Variants in DNAH14 observed in about 807,000 individuals in gnomAD.
DNAH14 encodes the protein axonemal beta dynein heavy chain 14.
DNAH14 carries 478 observed loss-of-function variants against 520.9 expected under a neutral mutation model. The observed-to-expected ratio is 0.92, with a 90% CI of 0.85 to 0.99. DNAH14 has a LOEUF of 0.99. Among genes scored for constraint, DNAH14 ranks in the 50% least tolerant of loss-of-function variants. DNAH14 has a pLI of 0.00. For synonymous variants in DNAH14, 1,581 were observed against 1,757.2 expected (o/e 0.90, Z 2.51); for missense variants, 4,831 against 5,234.5 (o/e 0.92, Z 2.38).
At chr1:225,084,889 C>T (rs2073577185) in intron 20 of DNAH14, among the ~76,000 whole-genome samples, 1 of 131,860 alleles carries the variant, frequency 7.6e-6, no homozygotes, top group Non-Finnish European at 1.7e-5. Flanking sequence ...TAGGCACGAA[C>T]TTTGATGGTT....
Position 225,240,717 on chromosome 1 carries a change from G to A in DNAH14, c.6643G>A (p.Glu2215Lys). 1.3e-6 allele frequency: 2 copies of A among 1,550,988 alleles called. No individual in the cohort carries two copies. Among genetic ancestry groups the A allele is most frequent in the Non-Finnish European group, 1.7e-6 (2 of 1,146,570 alleles). Residue 2215 changes from glutamate (E) to lysine (K), a missense_variant, in exon 43 of 86, where the codon GAA becomes AAA. Physicochemically the swap from Glu to Lys is moderately conservative, Grantham distance 56. Transcript: ENST00000682510. ...TTTAAACCGTGAAGATGAACACAGA[G>A]AAAATATACCATTTTGTCCCAGTCT... ...GALNREDEHR[E>K]NIPFCPSLEP...
At chr1:225,102,877 G>C (rs1205407083) in intron 23 of DNAH14, among the ~76,000 whole-genome samples, 2 of 151,920 alleles carry the variant, frequency 1.3e-5, no homozygotes, top group African/African-American at 4.8e-5. Flanking sequence ...TTGCTGTGCA[G>C]AAGCTCTTTA....
chr1:225,246,536 AAAAC>A (rs2149676865), intron 43 of DNAH14, among the ~76,000 whole-genome samples: 1 of 152,340 alleles, frequency 6.6e-6, no homozygotes, highest in African/African-American at 2.4e-5. Flanking sequence ...TTACCAGAAA[AAAAC>A]AAACAACCCC....
At chr1:224,945,821 A>T (rs1418102364) in intron 1 of DNAH14, among the ~76,000 whole-genome samples, 1 of 152,282 alleles carries the variant, frequency 6.6e-6, no homozygotes, top group East Asian at 1.9e-4. Context: ...GGTGAACAGC[A>T]AATGTTGCTG....
intron 73 of DNAH14, among the ~76,000 whole-genome samples, chr1:225,356,087 A>G (rs2095425401): frequency 6.6e-6 from 1 of 152,202 alleles, no homozygotes; most frequent in South Asian, 2.1e-4. Context: ...TGTTTCATTT[A>G]GCCATTAATC....
chr1:225,385,272 A>C (rs997318343), intron 81 of DNAH14, among the ~76,000 whole-genome samples: 29 of 152,232 alleles, frequency 1.9e-4, no homozygotes, highest in African/African-American at 6.8e-4. Flanking sequence ...AGCCAATATC[A>C]TACTGAATGG....
At chr1:225,168,206 G>T (rs530045975) in intron 36 of DNAH14, among the ~76,000 whole-genome samples, 178 bp downstream of exon 36, 2 of 152,274 alleles carry the variant, frequency 1.3e-5, no homozygotes, top group Non-Finnish European at 2.9e-5. Context: ...GGCCAAATAG[G>T]AACAGCTCCA....
intron 43 of DNAH14, among the ~76,000 whole-genome samples, chr1:225,241,393 G>A (rs982926076): frequency 2.0e-5 from 3 of 152,106 alleles, no homozygotes; most frequent in African/African-American, 7.2e-5. Context: ...ATATTTAGAA[G>A]AACTTTGTTA....
At chr1:225,215,354 G>A (rs985733402) in intron 41 of DNAH14, among the ~76,000 whole-genome samples, 26 of 152,148 alleles carry the variant, frequency 1.7e-4, no homozygotes, top group African/African-American at 4.8e-4. Context: ...GAATAAATGC[G>A]ATGTGGTGCT....
rs1183114182 is a variant in DNAH14, at chr1:224,960,243, A to G, written c.308A>G (p.Asp103Gly). 1 of 1,611,962 alleles carries G rather than the reference A, an allele frequency of 6.2e-7. No homozygotes were observed. The highest frequency in any genetic ancestry group is 1.3e-5 in the African/African-American group (1 of 74,838). ...AAAGGGAAGTCAAGGAGAAAAAAGG[A>G]TCAAACTCATGCTTGTCCAAATGTT... The part of the protein sequence containing the change: ...KEKGKSRRKK[D>G]QTHACPNVRK... The change falls in exon 4 of 86, where the codon GAT (aspartate) becomes GGT (glycine). Residue 103 changes from aspartate (D) to glycine (G), a missense_variant. Coordinates refer to ENST00000682510, the MANE Select transcript of DNAH14 (RefSeq NM_001367479.1).
intron 38 of DNAH14, among the ~76,000 whole-genome samples, chr1:225,202,683 G>A (rs533858015): frequency 4.6e-5 from 7 of 152,244 alleles, no homozygotes; most frequent in South Asian, 2.1e-4. Flanking sequence ...CTGGATTCAC[G>A]CCCTTCCCTG....
At chr1:225,335,886 T>TAA (rs2095016211) in intron 66 of DNAH14, among the ~76,000 whole-genome samples, 1 of 31,666 alleles carries the variant, frequency 3.2e-5, no homozygotes, top group African/African-American at 1.8e-4. Flanking sequence ...TACATATATG[T>TAA]ACATATACAT....
At chr1:225,138,241 T>TG (rs560910737) in intron 27 of DNAH14, among the ~76,000 whole-genome samples, 380 of 152,266 alleles carry the variant, frequency 2.5e-3, no homozygotes, top group African/African-American at 8.5e-3. Flanking sequence ...CATTGCACTG[T>TG]GGGGGGCCCC....
At chr1:225,289,271 T>C (rs1040723568) in intron 54 of DNAH14, among the ~76,000 whole-genome samples, 2 of 152,056 alleles carry the variant, frequency 1.3e-5, no homozygotes, top group Non-Finnish European at 2.9e-5. Context: ...AACATATTAG[T>C]GATTGGGCCT....
intron 36 of DNAH14, among the ~76,000 whole-genome samples, chr1:225,184,847 T>C (rs1048254979): frequency 2.6e-5 from 4 of 151,746 alleles, no homozygotes; most frequent in Admixed American, 6.6e-5. Context: ...CCCTTAAGAA[T>C]TGGAATAAGA....
At chr1:225,390,407 G>A (rs1333982539) in intron 83 of DNAH14, among the ~76,000 whole-genome samples, 1 of 152,118 alleles carries the variant, frequency 6.6e-6, no homozygotes, top group Non-Finnish European at 1.5e-5. Flanking sequence ...AAGGGGTGAC[G>A]CTGGGCTGTG....
At position 225,337,500 on chromosome 1, in the gene DNAH14, A is replaced by G; in HGVS notation, c.10311+4A>G. Reference sequence around the variant, plus strand: ...AGGAGGGAGTGTCCTCCTGCAGGTAAGTGGGCAGTATGGCCTAATTTCCCT... The same window carrying G: ...AGGAGGGAGTGTCCTCCTGCAGGTAGGTGGGCAGTATGGCCTAATTTCCCT... On this transcript the variant is annotated splice_donor_region_variant and intron_variant, in intron 67 of 85. Transcript: ENST00000682510. 1 of 1,550,150 alleles carries G rather than the reference A, an allele frequency of 6.5e-7. No individual in the cohort carries two copies. Among genetic ancestry groups the G allele is most frequent in the South Asian group, 1.2e-5 (1 of 83,948 alleles).
At chr1:225,031,927 C>A in intron 11 of DNAH14, among the ~76,000 whole-genome samples, 1 of 151,866 alleles carries the variant, frequency 6.6e-6, no homozygotes, top group East Asian at 1.9e-4. Context: ...TCTAGTATTT[C>A]TTTCAGTTGC....
chr1:225,128,538 G>T (rs2078020852), intron 27 of DNAH14, among the ~76,000 whole-genome samples: 2 of 151,736 alleles, frequency 1.3e-5, no homozygotes, highest in South Asian at 2.1e-4. Flanking sequence ...ATGTAATCCA[G>T]CATATAAACA....
Sources: gnomAD v4.1 joint callset for allele counts (sites outside exome capture counted in the v4.1 genomes callset) on GRCh38, gnomAD v4.1.1 for gene constraint, MANE v1.5 for transcripts, NCBI Gene and HGNC (gene_info 2026-07-23, HGNC 2026-07-21) for gene names.